The following SPTLC3 variants were observed in gnomAD, a reference collection of about 807,000 sequenced individuals.
SPTLC3 encodes serine palmitoyltransferase 3.
SPTLC3 carries 36 observed loss-of-function variants against 59.3 expected under a neutral mutation model. The observed-to-expected ratio is 0.61, with a 90% CI of 0.47 to 0.80. The LOEUF (loss-of-function observed/expected upper bound fraction) is 0.80. Among genes scored for constraint, SPTLC3 ranks in the 30% least tolerant of loss-of-function variants. SPTLC3 has a pLI of 0.00. For synonymous variants in SPTLC3, 257 were observed against 240.8 expected (o/e 1.07, Z -0.62); for missense variants, 625 against 685.1 (o/e 0.91, Z 0.98).
At chr20:13,077,007 T>G (rs1465813551) in intron 4 of SPTLC3, among the ~76,000 whole-genome samples, 1 of 152,174 alleles carries the variant, frequency 6.6e-6, no homozygotes. Flanking sequence ...AGATGTGAAA[T>G]TATGTACTAC....
Position 13,035,096 on chromosome 20 carries a change from C to G in SPTLC3, c.118-13849C>G, listed in dbSNP as rs570268919. ...CAGCCAGTGTTAGCTTCATGTTCCTCCCAGTTCTCACAGCTGTTCCCTGAA... is the reference window on the plus strand; with the variant it reads ...CAGCCAGTGTTAGCTTCATGTTCCTGCCAGTTCTCACAGCTGTTCCCTGAA... On this transcript the variant is annotated intron_variant, in intron 1 of 11. Coordinates refer to ENST00000399002, the MANE Select transcript of SPTLC3 (RefSeq NM_018327.4). 2.6e-5 allele frequency among the ~76,000 whole-genome samples: 4 copies of G among 152,228 alleles called. No individual in the cohort carries two copies. In the East Asian group the frequency reaches 5.8e-4, roughly 22 times the overall value.
At chr20:13,099,327 A>G (rs1254129663) in intron 6 of SPTLC3, among the ~76,000 whole-genome samples, 1 of 152,220 alleles carries the variant, frequency 6.6e-6, no homozygotes, top group Non-Finnish European at 1.5e-5. Flanking sequence ...ATTCTCCCCT[A>G]GAGCTTCCAG....
chr20:13,068,011 T>A (rs1988291018), intron 2 of SPTLC3, among the ~76,000 whole-genome samples: 1 of 152,122 alleles, frequency 6.6e-6, no homozygotes, highest in Non-Finnish European at 1.5e-5. Flanking sequence ...TGTAGCAGGG[T>A]TTTTTGGAAA....
intron 9 of SPTLC3, among the ~76,000 whole-genome samples, chr20:13,143,231 G>A (rs2038427129): frequency 6.6e-6 from 1 of 152,184 alleles, no homozygotes; most frequent in Non-Finnish European, 1.5e-5. Flanking sequence ...CAGTTATGTA[G>A]ACAAGAGGGA....
intron 1 of SPTLC3, among the ~76,000 whole-genome samples, chr20:13,015,724 C>T (rs1452197435): frequency 6.6e-6 from 1 of 151,960 alleles, no homozygotes; most frequent in Non-Finnish European, 1.5e-5. Flanking sequence ...ACTAGCACTA[C>T]CAACTAGTAA....
chr20:13,160,375 A>C (rs1221243568), intron 11 of SPTLC3, among the ~76,000 whole-genome samples: 1 of 152,236 alleles, frequency 6.6e-6, no homozygotes, highest in Non-Finnish European at 1.5e-5. Context: ...TTTCCTACAA[A>C]AGACTGACTG....
chr20:13,147,010 C>G (rs2038528185), intron 9 of SPTLC3, among the ~76,000 whole-genome samples: 1 of 152,184 alleles, frequency 6.6e-6, no homozygotes, highest in African/African-American at 2.4e-5. Context: ...CATTCTCATC[C>G]TTGCTTGGGG....
intron 6 of SPTLC3, among the ~76,000 whole-genome samples, chr20:13,108,547 C>T (rs1333028345): frequency 2.0e-5 from 3 of 152,162 alleles, no homozygotes; most frequent in African/African-American, 7.2e-5. Flanking sequence ...GTGGTCAAAA[C>T]CAGTACTGAC....
intron 4 of SPTLC3, 148 bp downstream of exon 4, chr20:13,074,645 T>C: frequency 1.0e-6 from 1 of 964,736 alleles, no homozygotes; most frequent in Non-Finnish European, 1.5e-6. Context: ...TTTGGGAAAT[T>C]TCAAGCATTA....
At chr20:13,124,020 A>G (rs4814203) in intron 8 of SPTLC3, among the ~76,000 whole-genome samples, 108,002 of 152,064 alleles carry the variant, frequency 0.71, 38,679 homozygotes, top group African/African-American at 0.79. Flanking sequence ...TCTTTGAGGC[A>G]CCTCAGATAC....
chr20:13,068,901 T>C (rs907692826), intron 2 of SPTLC3, among the ~76,000 whole-genome samples: 5 of 152,208 alleles, frequency 3.3e-5, no homozygotes, highest in African/African-American at 1.2e-4. Context: ...AATCCCTGTA[T>C]CTTGCCCTCA....
intron 10 of SPTLC3, among the ~76,000 whole-genome samples, chr20:13,157,839 G>A (rs1170026850): frequency 6.6e-6 from 1 of 152,108 alleles, no homozygotes; most frequent in African/African-American, 2.4e-5. Context: ...TTGAAATAGG[G>A]CGTTAATTGT....
Position 13,072,393 on chromosome 20 carries a change from C to T in SPTLC3, c.441C>T (p.Asp147=), listed in dbSNP as rs1223383922. The T allele has an allele frequency of 6.3e-7, 1 of 1,597,546 alleles. No homozygotes were observed. ...LFDLMERVSD[D]YNWTFRFTGR... is the part of the protein sequence containing the mutation. The stretch of plus-strand genomic sequence containing the variant: ...ATTTGATGGAGAGGGTATCAGACGA[C>T]TATAACTGGACGTTTAGGTGAGAGA... Residue 147 remains aspartate (D), a synonymous_variant, in exon 3 of 12, where the codon GAC becomes GAT. Coordinates refer to ENST00000399002, the MANE Select transcript of SPTLC3 (RefSeq NM_018327.4).
At chr20:13,127,372 G>A (rs1468928678) in intron 9 of SPTLC3, among the ~76,000 whole-genome samples, 1 of 152,174 alleles carries the variant, frequency 6.6e-6, no homozygotes, top group Non-Finnish European at 1.5e-5. Context: ...GCTGAATAAG[G>A]CAGTTCTTGC....
intron 11 of SPTLC3, among the ~76,000 whole-genome samples, chr20:13,160,782 A>T (rs2038880128): frequency 6.6e-6 from 1 of 152,228 alleles, no homozygotes; most frequent in African/African-American, 2.4e-5. Flanking sequence ...GCTAATAAAC[A>T]AGCAACACAT....
At chr20:13,103,331 G>C (rs1369345266) in intron 6 of SPTLC3, among the ~76,000 whole-genome samples, 1 of 152,174 alleles carries the variant, frequency 6.6e-6, no homozygotes, top group East Asian at 1.9e-4. Context: ...ATCATTCATA[G>C]CTATTTAAAT....
At chr20:13,146,721 T>C (rs1206906533) in intron 9 of SPTLC3, among the ~76,000 whole-genome samples, 4 of 152,210 alleles carry the variant, frequency 2.6e-5, no homozygotes, top group African/African-American at 9.7e-5. Context: ...CAGAAATTTT[T>C]CATCTTCTAT....
chr20:13,149,572 C>T (rs1429434266), intron 9 of SPTLC3, among the ~76,000 whole-genome samples: 1 of 152,208 alleles, frequency 6.6e-6, no homozygotes, highest in Non-Finnish European at 1.5e-5. Context: ...ACCTCAAAGG[C>T]ATTTGTAGTA....
chr20:13,073,628 C>A, intron 3 of SPTLC3: 1 of 262,180 alleles, frequency 3.8e-6, no homozygotes, highest in Non-Finnish European at 7.7e-6. Flanking sequence ...TTTAGCCTCA[C>A]GGTAGTTGGT....
Sources: allele counts gnomAD v4.1 joint callset (sites outside exome capture counted in the v4.1 genomes callset), GRCh38; gene constraint gnomAD v4.1.1; transcripts MANE v1.5; gene names NCBI Gene and HGNC (gene_info 2026-07-23, HGNC 2026-07-21).